The following GLP2R variants were observed in gnomAD, a reference collection of about 807,000 sequenced individuals.
GLP2R encodes the protein glucagon-like peptide 2 receptor.
GLP2R carries 59 observed loss-of-function variants against 68.2 expected under a neutral mutation model. The observed-to-expected ratio is 0.87, with a 90% CI of 0.70 to 1.07. The LOEUF (loss-of-function observed/expected upper bound fraction) is 1.07. Ranked by LOEUF, GLP2R falls within the 50% of genes least tolerant of loss-of-function variation. The pLI is 0.00. For missense variants in GLP2R, 548 were observed against 677.4 expected, an observed-to-expected ratio of 0.81 and a Z score of 2.12; for synonymous variants, 270 against 265.4, an observed-to-expected ratio of 1.02 and a Z score of -0.17.
chr17:9,847,568 A>G (rs1202914393), intron 4 of GLP2R, among the ~76,000 whole-genome samples: 3 of 151,826 alleles, frequency 2.0e-5, no homozygotes, highest in Admixed American at 6.6e-5. Context: ...GCGCCCGGCC[A>G]TCGTTTAATT....
At chr17:9,843,500 T>TC (rs2152034208) in intron 4 of GLP2R, among the ~76,000 whole-genome samples, 1 of 152,346 alleles carries the variant, frequency 6.6e-6, no homozygotes, top group African/African-American at 2.4e-5. Flanking sequence ...ATGCAGGCAC[T>TC]CCTGCCCTAT....
chr17:9,832,946 C>T (rs2066693766), intron 1 of GLP2R, among the ~76,000 whole-genome samples: 1 of 152,046 alleles, frequency 6.6e-6, no homozygotes, highest in Non-Finnish European at 1.5e-5. Flanking sequence ...TTGTACTGAA[C>T]CCACTTCCGA....
chr17:9,868,693 G>A (rs1289816950), intron 9 of GLP2R, among the ~76,000 whole-genome samples: 1 of 152,208 alleles, frequency 6.6e-6, no homozygotes, highest in Non-Finnish European at 1.5e-5. Context: ...CAGTGAGGAA[G>A]TGCCTCCTTC....
chr17:9,889,753 G>C lies in GLP2R; in HGVS notation c.*48G>C, dbSNP rs931135070. ...TCTGCTCCCAGGGACTCTTGAGGGG[G>C]CCCAGGAAGAGGAAGCAAAGCAGGA... On this transcript the variant is annotated 3_prime_UTR_variant, in exon 13 of 13. Coordinates refer to ENST00000262441, the MANE Select transcript of GLP2R (RefSeq NM_004246.3). 90 of 1,249,138 alleles carry C rather than the reference G, an allele frequency of 7.2e-5. No homozygotes were observed. Among genetic ancestry groups the C allele is most frequent in the Non-Finnish European group, 9.3e-5 (84 of 907,234 alleles). The allele number at this position is 1,249,138 out of a possible 1,614,324, so 77.4% of individuals were successfully genotyped here.
chr17:9,871,359 A>T (rs1597397583), intron 10 of GLP2R, among the ~76,000 whole-genome samples: 1 of 152,154 alleles, frequency 6.6e-6, no homozygotes, highest in Middle Eastern at 3.4e-3. Context: ...AAAAAAAAAA[A>T]AAGTTTCTAA....
intron 9 of GLP2R, among the ~76,000 whole-genome samples, chr17:9,862,658 A>G (rs1392885543): frequency 1.3e-5 from 2 of 152,162 alleles, no homozygotes; most frequent in South Asian, 2.1e-4. Context: ...CCTTTAGATA[A>G]TAGGGTGTGA....
intron 4 of GLP2R, among the ~76,000 whole-genome samples, chr17:9,843,743 G>A (rs112307446): frequency 3.3e-5 from 5 of 152,322 alleles, no homozygotes; most frequent in Admixed American, 1.3e-4. Flanking sequence ...TGCACAAAGC[G>A]GAGGAACAGG....
chr17:9,862,786 A>T (rs570650974), intron 9 of GLP2R, among the ~76,000 whole-genome samples: 2 of 152,246 alleles, frequency 1.3e-5, no homozygotes, highest in Middle Eastern at 6.8e-3. Flanking sequence ...CACCACCATA[A>T]TCTTCGCGTG....
chr17:9,887,514 G>A (rs2067254237), intron 11 of GLP2R, among the ~76,000 whole-genome samples: 1 of 152,178 alleles, frequency 6.6e-6, no homozygotes, highest in Admixed American at 6.5e-5. Context: ...CGACAAGAGT[G>A]AAACTCCATC....
intron 4 of GLP2R, among the ~76,000 whole-genome samples, chr17:9,849,427 C>T (rs2066871256): frequency 6.6e-6 from 1 of 151,944 alleles, no homozygotes; most frequent in Admixed American, 6.6e-5. Flanking sequence ...TATCACATGG[C>T]CTATTTCATC....
chr17:9,836,237 C>T (rs118078454), intron 2 of GLP2R, 134 bp from the exon 3 acceptor site: 1 of 650,692 alleles, frequency 1.5e-6, no homozygotes, highest in Non-Finnish European at 2.8e-6. Flanking sequence ...GAGTGGGGCA[C>T]CCATGCTGGT....
chr17:9,865,718 C>T (rs982458293), intron 9 of GLP2R: 42 of 437,238 alleles, frequency 9.6e-5, no homozygotes, highest in South Asian at 5.8e-4. Flanking sequence ...TATCCCCTAC[C>T]CTCCACCCCC....
intron 10 of GLP2R, among the ~76,000 whole-genome samples, chr17:9,873,556 CTTTTTT>C (rs3073988): frequency 1.9e-5 from 1 of 52,076 alleles, no homozygotes; most frequent in African/African-American, 8.6e-5. Context: ...TATGCATGGA[CTTTTTT>C]TTTTTTTTTT....
intron 11 of GLP2R, among the ~76,000 whole-genome samples, chr17:9,887,486 C>T (rs886208037): frequency 2.6e-5 from 4 of 152,192 alleles, no homozygotes; most frequent in African/African-American, 4.8e-5. Flanking sequence ...GAGGTTGAGC[C>T]ACTGCACTCT....
intron 6 of GLP2R, among the ~76,000 whole-genome samples, chr17:9,859,663 AC>A (rs1199158141): frequency 1.3e-5 from 2 of 149,906 alleles, no homozygotes; most frequent in Non-Finnish European, 3.0e-5. Flanking sequence ...ACATACATAT[AC>A]AAAAATTAGC....
chr17:9,880,884 A>T (rs568376424), intron 11 of GLP2R, among the ~76,000 whole-genome samples: 46 of 152,314 alleles, frequency 3.0e-4, no homozygotes, highest in Non-Finnish European at 5.6e-4. Flanking sequence ...GGTGACATGT[A>T]CACAGAATGC....
chr17:9,828,759 G>C (rs961415319), intron 1 of GLP2R, among the ~76,000 whole-genome samples: 2 of 152,168 alleles, frequency 1.3e-5, no homozygotes, highest in African/African-American at 4.8e-5. Context: ...TACAACAGCG[G>C]AATCTGCAGA....
At chr17:9,838,886 G>T (rs2152032437) in intron 3 of GLP2R, among the ~76,000 whole-genome samples, 1 of 152,314 alleles carries the variant, frequency 6.6e-6, no homozygotes, top group South Asian at 2.1e-4. Context: ...AGCGCCTGGC[G>T]CCTGTAGTCC....
rs149247563 is a variant in GLP2R at position 9,833,551 on chromosome 17, G to A, written c.190-256G>A. Among the ~76,000 whole-genome samples the A allele has an allele frequency of 1.7e-4, 26 of 152,316 alleles. 1 individual carries two copies. The highest frequency in any genetic ancestry group is 6.3e-4 in the African/African-American group (26 of 41,570). ...TAGGATAAGAATTTTGCGTACTCTT[G>A]AAATGTCAACTTCACTTAAAGGTTT... On this transcript the variant is annotated intron_variant, in intron 1 of 12. Transcript: ENST00000262441.
Sources: gnomAD v4.1 joint callset for allele counts (sites outside exome capture counted in the v4.1 genomes callset) on GRCh38, gnomAD v4.1.1 for gene constraint, MANE v1.5 for transcripts, NCBI Gene and HGNC (gene_info 2026-07-23, HGNC 2026-07-21) for gene names.